The following MAN1A1 variants were observed in gnomAD, a reference collection of about 807,000 sequenced individuals.
MAN1A1 encodes mannosyl-oligosaccharide 1,2-alpha-mannosidase IA.
MAN1A1 carries 29 observed loss-of-function variants against 70.8 expected under a neutral mutation model. The observed-to-expected ratio is 0.41, with a 90% CI of 0.31 to 0.56. The LOEUF (loss-of-function observed/expected upper bound fraction) is 0.56. MAN1A1 is among the 20% of genes least tolerant of loss of function. MAN1A1 has a pLI of 0.29. For synonymous variants in MAN1A1, 349 were observed against 330.1 expected, an observed-to-expected ratio of 1.06 and a Z score of -0.62; for missense variants, 747 against 841.3, an observed-to-expected ratio of 0.89 and a Z score of 1.39.
chr6:119,305,549 A>G (rs896779747), intron 3 of MAN1A1, among the ~76,000 whole-genome samples: 2 of 152,118 alleles, frequency 1.3e-5, no homozygotes, highest in African/African-American at 4.8e-5. Flanking sequence ...TACTTCAGGT[A>G]TAGGTGCTCT....
At chr6:119,290,595 T>C in intron 5 of MAN1A1, 88 bp downstream of exon 5, 1 of 859,836 alleles carries the variant, frequency 1.2e-6, no homozygotes, top group South Asian at 1.7e-5. Flanking sequence ...AGATTCCTTC[T>C]AAATATATGT....
At chr6:119,189,577 A>G in intron 10 of MAN1A1, 87 bp downstream of exon 10, 1 of 1,168,082 alleles carries the variant, frequency 8.6e-7, no homozygotes, top group Non-Finnish European at 1.3e-6. Flanking sequence ...GGCAGAGCGG[A>G]TAGTCTTTTG....
chr6:119,285,608 C>CTT (rs35665082), intron 5 of MAN1A1, among the ~76,000 whole-genome samples: 3 of 144,718 alleles, frequency 2.1e-5, no homozygotes, highest in East Asian at 4.0e-4. Flanking sequence ...GTTTTCAATT[C>CTT]TTTTTTTTTT....
chr6:119,290,558 A>G lies in MAN1A1; in HGVS notation c.897+125T>C, dbSNP rs1445500880. 5 of 650,114 alleles carry G rather than the reference A, an allele frequency of 7.7e-6. No homozygotes were observed. The East Asian group carries it at 1.4e-4, about 18-fold the overall frequency. 40.3% of individuals were successfully genotyped at this position (650,114 alleles called of 1,614,324 possible). ...TTGTAAGAAACTCAGTGTAAGCTAC[A>G]GCTTCATTGAAATATAAAAATTCCA... On this transcript the variant is annotated intron_variant, in intron 5 of 12. Transcript: ENST00000368468.
chr6:119,209,629 G>A (rs1773987010), intron 6 of MAN1A1, among the ~76,000 whole-genome samples: 1 of 152,172 alleles, frequency 6.6e-6, no homozygotes, highest in Non-Finnish European at 1.5e-5. Context: ...ATCAACGATT[G>A]CGTCATTTAG....
upstream of MAN1A1, among the ~76,000 whole-genome samples, chr6:119,350,224 CA>C (rs914892587): frequency 6.6e-6 from 1 of 152,168 alleles, no homozygotes; most frequent in Admixed American, 6.5e-5. Context: ...CGGGGTCTGG[CA>C]GGGGGTCCTG....
At chr6:119,350,148 T>TCTCTGCCTCCTCCTCCGACCC (rs1476109262), upstream of MAN1A1, among the ~76,000 whole-genome samples, 5 of 152,150 alleles carry the variant, frequency 3.3e-5, no homozygotes, top group Middle Eastern at 6.8e-3. Flanking sequence ...GCGCGGGACC[T>TCTCTGCCTCCTCCTCCGACCC]CTCTGCCTCC....
chr6:119,254,070 C>CTGG (rs1775396666), intron 5 of MAN1A1, among the ~76,000 whole-genome samples: 2 of 152,174 alleles, frequency 1.3e-5, no homozygotes, highest in African/African-American at 4.8e-5. Context: ...TCTACCTAAA[C>CTGG]TGGTGAGCTT....
chr6:119,247,406 AT>A (rs1477493478), intron 6 of MAN1A1, among the ~76,000 whole-genome samples: 1 of 152,318 alleles, frequency 6.6e-6, no homozygotes, highest in Non-Finnish European at 1.5e-5. Context: ...TGTTGTGAGG[AT>A]AATATGTGGT....
intron 7 of MAN1A1, among the ~76,000 whole-genome samples, chr6:119,202,981 GCTCT>G (rs750631483): frequency 7.6e-6 from 1 of 131,396 alleles, no homozygotes; most frequent in Admixed American, 7.6e-5. Context: ...AGACACAAGA[GCTCT>G]CTCTCTCTCT....
intron 2 of MAN1A1, among the ~76,000 whole-genome samples, chr6:119,346,342 A>C (rs1357369999): frequency 6.6e-6 from 1 of 152,218 alleles, no homozygotes; most frequent in East Asian, 1.9e-4. Context: ...TTACAAAGGA[A>C]TATATCTGCC....
At chr6:119,254,637 T>C (rs1285184163) in intron 5 of MAN1A1, among the ~76,000 whole-genome samples, 2 of 152,188 alleles carry the variant, frequency 1.3e-5, no homozygotes, top group Non-Finnish European at 1.5e-5. Context: ...TCCTTGCTAA[T>C]AGAAGATATT....
chr6:119,321,962 C>T (rs904965511), intron 2 of MAN1A1, among the ~76,000 whole-genome samples: 45 of 152,064 alleles, frequency 3.0e-4, no homozygotes, highest in Middle Eastern at 6.3e-3. Context: ...TTCCAGGGGC[C>T]GCAGCCCTCC....
intron 2 of MAN1A1, among the ~76,000 whole-genome samples, chr6:119,309,765 C>A (rs1772650346): frequency 6.6e-6 from 1 of 152,198 alleles, no homozygotes; most frequent in Non-Finnish European, 1.5e-5. Flanking sequence ...ACCAAAATTT[C>A]ATAATTGCAA....
chr6:119,193,961 T>G, intron 8 of MAN1A1, 69 bp from the exon 9 acceptor site: 1 of 907,772 alleles, frequency 1.1e-6, no homozygotes, highest in African/African-American at 1.6e-5. Context: ...CAAAATCACA[T>G]TAGCAACTAG....
chr6:119,227,004 G>C (rs889287976), intron 6 of MAN1A1, among the ~76,000 whole-genome samples: 2 of 152,030 alleles, frequency 1.3e-5, no homozygotes, highest in Non-Finnish European at 2.9e-5. Flanking sequence ...TTTTACTTAT[G>C]ATCACTGAAA....
chr6:119,248,166 T>C, intron 6 of MAN1A1, 94 bp downstream of exon 6: 1 of 789,060 alleles, frequency 1.3e-6, no homozygotes, highest in Non-Finnish European at 2.1e-6. Context: ...GTCACCAGTA[T>C]CATATAAGTA....
At chr6:119,330,270 C>A (rs924204504) in intron 2 of MAN1A1, among the ~76,000 whole-genome samples, 1 of 152,118 alleles carries the variant, frequency 6.6e-6, no homozygotes, top group Admixed American at 6.5e-5. Context: ...TCCTCTAATG[C>A]CACATATCCT....
chr6:119,246,078 A>T (rs1000315239), intron 6 of MAN1A1, among the ~76,000 whole-genome samples: 2 of 152,188 alleles, frequency 1.3e-5, no homozygotes, highest in African/African-American at 4.8e-5. Context: ...AGTAAAGTTA[A>T]ATATATTTCA....
Sources: gnomAD v4.1 joint callset for allele counts (sites outside exome capture counted in the v4.1 genomes callset) on GRCh38, gnomAD v4.1.1 for gene constraint, MANE v1.5 for transcripts, NCBI Gene and HGNC (gene_info 2026-07-23, HGNC 2026-07-21) for gene names.